The following C1orf105 variants were observed in gnomAD, a reference collection of about 807,000 sequenced individuals.
The protein encoded by C1orf105 is uncharacterized protein C1orf105.
In C1orf105, 17 loss-of-function variants were observed where a neutral mutation model predicts 20.8. That is an observed-to-expected ratio of 0.82 (90% CI 0.56 to 1.23). The LOEUF (loss-of-function observed/expected upper bound fraction) is 1.23, where lower values mean the gene tolerates loss of function less well. Among genes scored for constraint, C1orf105 ranks in the 50% most tolerant of loss-of-function variants. C1orf105 has a pLI of 0.00. For synonymous variants in C1orf105, 72 were observed against 72.1 expected, an observed-to-expected ratio of 1.00 and a Z score of 0.01; for missense variants, 219 against 213.5, an observed-to-expected ratio of 1.03 and a Z score of -0.16.
At chr1:172,452,807 A>C in intron 3 of C1orf105, 1 of 1,386,646 alleles carries the variant, frequency 7.2e-7, no homozygotes, top group Middle Eastern at 2.7e-4. Flanking sequence ...TCCAGAGGAC[A>C]GCTGCTTGGG....
intron 1 of C1orf105, among the ~76,000 whole-genome samples, chr1:172,427,578 C>T (rs1276608536): frequency 6.6e-6 from 1 of 152,188 alleles, no homozygotes; most frequent in African/African-American, 2.4e-5. Context: ...TATTCCAGCA[C>T]TCCAACAAAA....
chr1:172,440,543 C>A (rs1205033765), intron 1 of C1orf105, among the ~76,000 whole-genome samples: 1 of 152,144 alleles, frequency 6.6e-6, no homozygotes, highest in Non-Finnish European at 1.5e-5. Context: ...TTTATTTCCG[C>A]CTTAGACAAA....
chr1:172,445,036 T>G, intron 1 of C1orf105, 37 bp from the exon 2 acceptor site: 36 of 1,521,294 alleles, frequency 2.4e-5, no homozygotes, highest in Non-Finnish European at 3.0e-5. Context: ...TGTTTAAGTG[T>G]GATATATTCT....
chr1:172,466,809 G>A (rs1325122917), intron 6 of C1orf105, among the ~76,000 whole-genome samples: 1 of 152,164 alleles, frequency 6.6e-6, no homozygotes, highest in African/African-American at 2.4e-5. Context: ...CTTGTCCATA[G>A]AGTTCATCCT....
At chr1:172,440,156 C>T (rs2072173470) in intron 1 of C1orf105, among the ~76,000 whole-genome samples, 1 of 152,172 alleles carries the variant, frequency 6.6e-6, no homozygotes, top group South Asian at 2.1e-4. Context: ...GAAATAAAAA[C>T]ATTATATTTT....
chr1:172,452,738 A>C (rs1573877743), intron 3 of C1orf105: 4 of 977,828 alleles, frequency 4.1e-6, no homozygotes, highest in Non-Finnish European at 4.9e-6. Context: ...TCTGCATCAT[A>C]CCTTGGCCAG....
chr1:172,428,854 T>C (rs553767548), intron 1 of C1orf105: 7 of 694,520 alleles, frequency 1.0e-5, no homozygotes, highest in Non-Finnish European at 1.8e-5. Flanking sequence ...AAATATTTAT[T>C]GACAATAAAT....
chr1:172,426,249 A>T (rs554617088), intron 1 of C1orf105, among the ~76,000 whole-genome samples: 46 of 152,018 alleles, frequency 3.0e-4, no homozygotes, highest in Non-Finnish European at 5.3e-4. Flanking sequence ...CAGCCCTCAC[A>T]CTGCTGAGCC....
chr1:172,450,129 C>T (rs959482743), intron 3 of C1orf105, among the ~76,000 whole-genome samples: 7 of 152,230 alleles, frequency 4.6e-5, no homozygotes, highest in Non-Finnish European at 1.0e-4. Flanking sequence ...CTTCCAGCTG[C>T]GCAGCCCAAA....
At chr1:172,447,591 C>A (rs1411984778) in intron 2 of C1orf105, among the ~76,000 whole-genome samples, 1 of 152,242 alleles carries the variant, frequency 6.6e-6, no homozygotes, top group Non-Finnish European at 1.5e-5. Context: ...GCACTCATGT[C>A]AGACCCACCA....
At chr1:172,437,437 G>A (rs911727659) in intron 1 of C1orf105, among the ~76,000 whole-genome samples, 6 of 151,830 alleles carry the variant, frequency 4.0e-5, no homozygotes, top group Non-Finnish European at 8.8e-5. Flanking sequence ...CCTTTGCAGG[G>A]ACACGGATAA....
intron 2 of C1orf105, 28 bp downstream of exon 2, chr1:172,445,186 G>A: frequency 1.9e-6 from 3 of 1,548,414 alleles, no homozygotes; most frequent in Non-Finnish European, 2.7e-6. Context: ...GAGGGCAAAA[G>A]TTTTACGAAA....
In C1orf105 at chr1:172,447,211, G is replaced by A. The variant is rs372147244; in HGVS notation, c.108-1230G>A. On this transcript the variant is annotated intron_variant, in intron 2 of 6. Transcript: ENST00000367727. Reference sequence around the variant, plus strand: ...TGTGCCTTAAGCATTACATACCCTTGAGCAAAGAGTTCTAATGCAGAACAG... The same window carrying A: ...TGTGCCTTAAGCATTACATACCCTTAAGCAAAGAGTTCTAATGCAGAACAG... Among the ~76,000 whole-genome samples the A allele has an allele frequency of 2.6e-5, 4 of 152,146 alleles. No individual in the cohort carries two copies. The East Asian group carries it at 5.8e-4, about 22-fold the overall frequency.
chr1:172,422,485 A>C (rs1290397159), intron 1 of C1orf105, among the ~76,000 whole-genome samples: 1 of 152,164 alleles, frequency 6.6e-6, no homozygotes, highest in South Asian at 2.1e-4. Flanking sequence ...GCAGTAGCCA[A>C]GTACTACATA....
chr1:172,431,911 T>C (rs1002630312), intron 1 of C1orf105, among the ~76,000 whole-genome samples: 14 of 152,256 alleles, frequency 9.2e-5, no homozygotes, highest in African/African-American at 3.1e-4. Context: ...TCCCAAGGTC[T>C]TAGCAACCGG....
intron 3 of C1orf105, chr1:172,453,247 G>T (rs1648865126): frequency 4.6e-6 from 7 of 1,514,544 alleles, no homozygotes; most frequent in South Asian, 1.2e-5. Flanking sequence ...AGTGTAAAGG[G>T]ACAGGATTAG....
At chr1:172,423,332 G>C (rs2071638538) in intron 1 of C1orf105, among the ~76,000 whole-genome samples, 1 of 152,178 alleles carries the variant, frequency 6.6e-6, no homozygotes, top group South Asian at 2.1e-4. Context: ...GAGAACAAGA[G>C]TCTCTGCCTG....
intron 2 of C1orf105, among the ~76,000 whole-genome samples, chr1:172,447,901 C>A (rs865799760): frequency 5.9e-5 from 9 of 152,208 alleles, no homozygotes; most frequent in African/African-American, 1.9e-4. Context: ...AGAGCGCAGG[C>A]AGGTCACCCT....
At chr1:172,432,631 A>G (rs1317952003) in intron 1 of C1orf105, among the ~76,000 whole-genome samples, 1 of 152,246 alleles carries the variant, frequency 6.6e-6, no homozygotes, top group Non-Finnish European at 1.5e-5. Flanking sequence ...TCAAACACCA[A>G]AGGTAAATAA....
Sources: allele counts gnomAD v4.1 joint callset (sites outside exome capture counted in the v4.1 genomes callset), GRCh38; gene constraint gnomAD v4.1.1; transcripts MANE v1.5; gene names NCBI Gene and HGNC (gene_info 2026-07-23, HGNC 2026-07-21).